The following PRKCB variants were observed in gnomAD, a reference collection of about 807,000 sequenced individuals.
The protein encoded by PRKCB is protein kinase C beta.
PRKCB carries 13 observed loss-of-function variants against 81.5 expected under a neutral mutation model. The observed-to-expected ratio is 0.16, with a 90% confidence interval of 0.10 to 0.25. The LOEUF (loss-of-function observed/expected upper bound fraction) is 0.25. Among genes scored for constraint, PRKCB ranks in the 10% least tolerant of loss-of-function variants. The pLI is 1.00. For synonymous variants in PRKCB, 335 were observed against 321.4 expected, an observed-to-expected ratio of 1.04 and a Z score of -0.45; for missense variants, 509 against 875.7, an observed-to-expected ratio of 0.58 and a Z score of 5.29.
chr16:24,188,493 T>C (rs1967739545), intron 15 of PRKCB, among the ~76,000 whole-genome samples: 1 of 152,154 alleles, frequency 6.6e-6, no homozygotes, highest in African/African-American at 2.4e-5. Flanking sequence ...ATCCTCCTGC[T>C]TAGACAGAAA....
rs1030651059 is a variant in PRKCB at position 24,008,309 on chromosome 16, C to G, written c.288+19719C>G. Among the ~76,000 whole-genome samples the G allele has an allele frequency of 6.6e-5, 10 of 152,194 alleles. 1 individual carries two copies. Among genetic ancestry groups the G allele is most frequent in the Non-Finnish European group, 1.2e-4 (8 of 68,028 alleles). ...TGGTCCTGAAGCAGGCAGCTTTCTT[C>G]CCTGAGAGCTGCCTTTCCAGATATG... On this transcript the variant is annotated intron_variant, in intron 3 of 16. Transcript: ENST00000643927.
chr16:24,184,770 T>C (rs1025830205), intron 13 of PRKCB, among the ~76,000 whole-genome samples: 1 of 152,260 alleles, frequency 6.6e-6, no homozygotes, highest in African/African-American at 2.4e-5. Flanking sequence ...GTTCTAAGTA[T>C]ACAATTTAGT....
Position 23,836,384 on chromosome 16 carries a change from C to T in PRKCB, c.173+36C>T, listed in dbSNP as rs367714554. On this transcript the variant is annotated intron_variant, in intron 1 of 16. Transcript: ENST00000643927. ...GCGCGCAGGGCACCTTCCCGGGCCC[C>T]CGAGGGCAGCGCCGCGCCAGGGACC... The T allele has an allele frequency of 1.9e-5, 31 of 1,590,078 alleles. No individual in the cohort carries two copies. The African/African-American group carries it at 3.8e-4, about 19-fold the overall frequency.
At chr16:23,995,966 C>T (rs944450824) in intron 3 of PRKCB, among the ~76,000 whole-genome samples, 13 of 152,068 alleles carry the variant, frequency 8.5e-5, no homozygotes, top group African/African-American at 2.2e-4. Flanking sequence ...GAAATCTTCT[C>T]GGTGGGCAGA....
At chr16:24,030,824 G>A (rs1393146208) in intron 3 of PRKCB, among the ~76,000 whole-genome samples, 4 of 152,122 alleles carry the variant, frequency 2.6e-5, no homozygotes, top group Admixed American at 6.5e-5. Context: ...CTTGAACCCA[G>A]GAGACAGAGG....
chr16:24,124,842 C>T (rs1966839854), intron 9 of PRKCB, among the ~76,000 whole-genome samples: 1 of 152,138 alleles, frequency 6.6e-6, no homozygotes, highest in African/African-American at 2.4e-5. Context: ...TTCCTGTATT[C>T]CCACTGTTCC....
intron 16 of PRKCB, among the ~76,000 whole-genome samples, chr16:24,196,096 C>G (rs1272490257): frequency 2.6e-5 from 4 of 152,198 alleles, no homozygotes; most frequent in African/African-American, 9.7e-5. Flanking sequence ...AGAAATTCAT[C>G]ACAGGCTGTA....
intron 2 of PRKCB, among the ~76,000 whole-genome samples, chr16:23,981,037 T>G (rs2141813521): frequency 6.6e-6 from 1 of 152,124 alleles, no homozygotes; most frequent in East Asian, 1.9e-4. Context: ...TCCTTGCTGA[T>G]CTAGTGTTTC....
chr16:24,140,104 A>T (rs1029987315), intron 9 of PRKCB, among the ~76,000 whole-genome samples: 1 of 152,244 alleles, frequency 6.6e-6, no homozygotes, highest in African/African-American at 2.4e-5. Flanking sequence ...TTCAAACCAC[A>T]TGACTTCGCA....
At chr16:23,858,338 C>T (rs1319777395) in intron 2 of PRKCB, among the ~76,000 whole-genome samples, 3 of 151,954 alleles carry the variant, frequency 2.0e-5, no homozygotes, top group Non-Finnish European at 4.4e-5. Context: ...TGAAGGGCTC[C>T]GGGGGTCACA....
intron 5 of PRKCB, among the ~76,000 whole-genome samples, chr16:24,077,487 CTCCATCCA>C (rs71154273): frequency 6.0e-5 from 9 of 149,610 alleles, no homozygotes; most frequent in East Asian, 2.0e-4. Context: ...GCATTCATCT[CTCCATCCA>C]TCCATCCATC....
intron 5 of PRKCB, among the ~76,000 whole-genome samples, chr16:24,067,099 T>C (rs553017908): frequency 6.6e-6 from 1 of 152,110 alleles, no homozygotes; most frequent in South Asian, 2.1e-4. Flanking sequence ...TGATCACCCC[T>C]CCTCAGCCTC....
chr16:24,037,133 C>T (rs1342263985), intron 5 of PRKCB, among the ~76,000 whole-genome samples: 5 of 152,074 alleles, frequency 3.3e-5, no homozygotes, highest in African/African-American at 1.2e-4. Flanking sequence ...GGATTACAGG[C>T]GCCCACCACC....
intron 7 of PRKCB, among the ~76,000 whole-genome samples, chr16:24,105,047 G>A (rs954145809): frequency 3.0e-5 from 4 of 133,104 alleles, no homozygotes; most frequent in African/African-American, 5.8e-5. Context: ...CAAGCGGCAC[G>A]TTGTTGGATT....
intron 5 of PRKCB, among the ~76,000 whole-genome samples, chr16:24,037,881 C>G (rs570007692): frequency 1.4e-4 from 21 of 149,186 alleles, no homozygotes; most frequent in South Asian, 1.3e-3. Flanking sequence ...AAAAAAGAAA[C>G]GAAAAGAAAA....
At chr16:23,956,443 A>T (rs1964350643) in intron 2 of PRKCB, among the ~76,000 whole-genome samples, 1 of 152,178 alleles carries the variant, frequency 6.6e-6, no homozygotes, top group African/African-American at 2.4e-5. Context: ...ATTCATATTT[A>T]TAATTTGTCT....
chr16:23,892,826 G>A (rs2141118049), intron 2 of PRKCB: 1 of 152,260 alleles, frequency 6.6e-6, no homozygotes, highest in African/African-American at 2.4e-5. Flanking sequence ...CATAAAGTTA[G>A]CTTCAGAACT....
intron 5 of PRKCB, among the ~76,000 whole-genome samples, chr16:24,071,192 C>T (rs898245593): frequency 6.6e-6 from 1 of 151,942 alleles, no homozygotes; most frequent in South Asian, 2.1e-4. Context: ...CATGATATAC[C>T]CTAAGCATTC....
intron 2 of PRKCB, among the ~76,000 whole-genome samples, chr16:23,861,173 C>CTT (rs773799217): frequency 1.5e-4 from 22 of 144,156 alleles, no homozygotes; most frequent in Admixed American, 9.0e-4. Flanking sequence ...TGCATTAGTT[C>CTT]TTTTTTTTTT....
Sources: allele counts gnomAD v4.1 joint callset (sites outside exome capture counted in the v4.1 genomes callset), GRCh38; gene constraint gnomAD v4.1.1; transcripts MANE v1.5; gene names NCBI Gene and HGNC (gene_info 2026-07-23, HGNC 2026-07-21).